Variants in SAMMSON observed in about 807,000 individuals in gnomAD.
The protein encoded by SAMMSON is long intergenic non-protein coding RNA 1212.
chr3:70,399,498 G>A (rs932784861), intron 2 of SAMMSON, among the ~76,000 whole-genome samples: 1 of 152,250 alleles, frequency 6.6e-6, no homozygotes, highest in South Asian at 2.1e-4. Context: ...AGACCAACTA[G>A]AGGTTTTGAA....
chr3:70,058,325 G>T (rs2067175280), intron 3 of SAMMSON, among the ~76,000 whole-genome samples: 1 of 151,936 alleles, frequency 6.6e-6, no homozygotes, highest in Admixed American at 6.6e-5. Context: ...ACTTTACTTT[G>T]AACCTGCAGT....
chr3:70,202,706 C>T (rs573554577), intron 4 of SAMMSON, among the ~76,000 whole-genome samples: 3 of 152,260 alleles, frequency 2.0e-5, no homozygotes, highest in African/African-American at 7.2e-5. Flanking sequence ...CCCCTTTGGG[C>T]TTCATTTCCT....
intron 4 of SAMMSON, among the ~76,000 whole-genome samples, chr3:70,238,556 G>C (rs1046250116): frequency 6.6e-6 from 1 of 151,882 alleles, no homozygotes; most frequent in Non-Finnish European, 1.5e-5. Context: ...AGGCTGCAAT[G>C]AGCCATGATC....
At chr3:70,212,948 C>A (rs1468065547) in intron 4 of SAMMSON, among the ~76,000 whole-genome samples, 1 of 151,948 alleles carries the variant, frequency 6.6e-6, no homozygotes, top group Non-Finnish European at 1.5e-5. Context: ...CGTGCACCAA[C>A]ACAGCAAGCT....
chr3:70,028,665 T>A (rs1277005975), intron 3 of SAMMSON, among the ~76,000 whole-genome samples: 1 of 152,218 alleles, frequency 6.6e-6, no homozygotes, highest in African/African-American at 2.4e-5. Flanking sequence ...TGTGGTCTAT[T>A]CTCTTTGTGC....
intron 3 of SAMMSON, among the ~76,000 whole-genome samples, chr3:70,028,850 G>T (rs1050135842): frequency 2.0e-5 from 3 of 152,170 alleles, no homozygotes; most frequent in Admixed American, 6.5e-5. Context: ...AATGATAGTA[G>T]TAAGAGGTAA....
intron 2 of SAMMSON, among the ~76,000 whole-genome samples, chr3:70,410,626 A>G (rs1415853597): frequency 6.6e-6 from 1 of 152,226 alleles, no homozygotes. Flanking sequence ...TATGGCAATG[A>G]GAATTATAAA....
intron 4 of SAMMSON, among the ~76,000 whole-genome samples, chr3:70,247,747 A>C (rs1273762831): frequency 6.6e-6 from 1 of 151,952 alleles, no homozygotes; most frequent in East Asian, 1.9e-4. Flanking sequence ...AGCAAGTGGG[A>C]CCAAGGTAAA....
chr3:70,005,676 G>A (rs2066923928), intron 1 of SAMMSON, among the ~76,000 whole-genome samples: 1 of 152,186 alleles, frequency 6.6e-6, no homozygotes, highest in African/African-American at 2.4e-5. Context: ...TGACATGCAG[G>A]TACAGGGTGG....
chr3:70,305,044 A>C (rs1175803291), intron 7 of SAMMSON, among the ~76,000 whole-genome samples: 1 of 152,182 alleles, frequency 6.6e-6, no homozygotes, highest in Non-Finnish European at 1.5e-5. Flanking sequence ...TCTCAGCTCA[A>C]ATAACTTTCC....
chr3:70,060,969 T>C (rs2067185308), intron 3 of SAMMSON, among the ~76,000 whole-genome samples: 1 of 152,020 alleles, frequency 6.6e-6, no homozygotes, highest in Non-Finnish European at 1.5e-5. Context: ...TGGAAAATTA[T>C]CTGGATATTT....
intron 4 of SAMMSON, among the ~76,000 whole-genome samples, chr3:70,195,364 A>G (rs1701165933): frequency 6.6e-6 from 1 of 152,214 alleles, no homozygotes; most frequent in Non-Finnish European, 1.5e-5. Context: ...TCAAACAGGA[A>G]TGAAATCAGC....
At position 70,131,636 on chromosome 3, in the gene SAMMSON, A is replaced by G. The variant is rs1429770900; in HGVS notation, n.507+60071A>G. The stretch of plus-strand genomic sequence containing the variant: ...GGGTTTCGCTTTGCTGCTGGAGCCC[A>G]GTGGCATGATCATGGCTCATTGCAG... On this transcript the variant is annotated intron_variant and non_coding_transcript_variant, in intron 4 of 9. Coordinates refer to ENST00000642114, the Ensembl canonical transcript of SAMMSON. Among the ~76,000 whole-genome samples, 3 of 152,192 alleles carry G rather than the reference A, an allele frequency of 2.0e-5. No homozygotes were observed. In the East Asian group the frequency reaches 5.8e-4, roughly 29 times the overall value.
At chr3:70,261,372 T>C in intron 6 of SAMMSON, among the ~76,000 whole-genome samples, 1 of 152,220 alleles carries the variant, frequency 6.6e-6, no homozygotes, top group East Asian at 1.9e-4. Flanking sequence ...GATGTGAACA[T>C]GCATATGTTT....
chr3:70,274,172 G>A (rs2106674720), intron 6 of SAMMSON, among the ~76,000 whole-genome samples: 1 of 151,784 alleles, frequency 6.6e-6, no homozygotes, highest in African/African-American at 2.4e-5. Context: ...TCATACATAT[G>A]TGTAGGGGGT....
chr3:70,343,132 G>A (rs1702724349), intron 7 of SAMMSON, among the ~76,000 whole-genome samples: 1 of 152,068 alleles, frequency 6.6e-6, no homozygotes. Flanking sequence ...TGGGAAGACA[G>A]TACAGAGTTC....
intron 4 of SAMMSON, among the ~76,000 whole-genome samples, chr3:70,213,189 A>T (rs562043449): frequency 6.6e-6 from 1 of 151,938 alleles, no homozygotes; most frequent in East Asian, 2.0e-4. Context: ...CCCAGGCTGG[A>T]CTAGAGCTCC....
intron 4 of SAMMSON, among the ~76,000 whole-genome samples, chr3:70,202,975 C>A (rs1286176158): frequency 6.6e-6 from 1 of 152,028 alleles, no homozygotes; most frequent in Non-Finnish European, 1.5e-5. Context: ...TCTGCCCTCC[C>A]AACTTTGGGT....
intron 3 of SAMMSON, among the ~76,000 whole-genome samples, chr3:70,028,912 A>G (rs1351224752): frequency 6.6e-6 from 1 of 152,200 alleles, no homozygotes; most frequent in East Asian, 1.9e-4. Context: ...TACATTGCCC[A>G]CTGAACTCAA....
Sources: gnomAD v4.1 joint callset for allele counts (sites outside exome capture counted in the v4.1 genomes callset) on GRCh38, gnomAD v4.1.1 for gene constraint, MANE v1.5 for transcripts, NCBI Gene and HGNC (gene_info 2026-07-23, HGNC 2026-07-21) for gene names.